Variants in KDM5C observed in about 807,000 individuals in gnomAD.
KDM5C encodes lysine demethylase 5C, also known as lysine-specific demethylase 5C.
A neutral mutation model predicts 110.6 loss-of-function variants in KDM5C; 16 were observed. The ratio of observed to expected loss-of-function variants is 0.14; its 90% CI spans 0.10 to 0.22. The LOEUF (loss-of-function observed/expected upper bound fraction) is 0.22, where lower values mean the gene tolerates loss of function less well. KDM5C is among the 10% of genes least tolerant of loss of function. The pLI is 1.00. For missense variants in KDM5C, 681 were observed against 1,300.9 expected (o/e 0.52, Z 7.33); for synonymous variants, 511 against 520.4 (o/e 0.98, Z 0.24).
chrX:53,224,993 C>T lies in KDM5C; in HGVS notation c.-104G>A. 2.0e-6 allele frequency: 2 copies of T among 1,014,686 alleles called. No individual in the cohort carries two copies. Among genetic ancestry groups the T allele is most frequent in the South Asian group, 4.8e-5 (2 of 41,283 alleles). 83.6% of individuals were successfully genotyped at this position (1,014,686 alleles called of 1,213,427 possible). A position where few individuals can be genotyped will look rare whatever the true frequency, so the allele number is the denominator to read the frequency against. On this transcript the variant is annotated 5_prime_UTR_variant, in exon 1 of 26. Transcript: ENST00000375401. ...CCGAGGCAATGCTCGGAGGCTAGGC[C>T]CTAAGCGGGGCAGCCGCCGCCCGCC...
In KDM5C at chrX:53,197,364, C is replaced by T. The variant is rs782582599; in HGVS notation, c.2623-320G>A. ...CTCTGTTCTCAGGGCACCAAGAGAC[C>T]TCCCTGCCCTAAAAATTGCTATGAT... is the stretch of plus-strand genomic sequence containing the variant. On this transcript the variant is annotated intron_variant, in intron 18 of 25. Coordinates refer to ENST00000375401, the MANE Select transcript of KDM5C (RefSeq NM_004187.5). Among the ~76,000 whole-genome samples, 24 of 111,284 alleles carry T rather than the reference C, an allele frequency of 2.2e-4. No homozygotes were observed. In the South Asian group the frequency reaches 9.2e-3, roughly 43 times the overall value.
chrX:53,180,047 GTAAA>G (rs1556825356), intron 25 of KDM5C, among the ~76,000 whole-genome samples: 1 of 111,901 alleles, frequency 8.9e-6, no homozygotes, highest in Admixed American at 9.5e-5. Flanking sequence ...CCTTCAGTAA[GTAAA>G]TAGATAAAAT....
At chrX:53,181,989 T>A (rs1934072704) in intron 25 of KDM5C, among the ~76,000 whole-genome samples, 1 of 109,764 alleles carries the variant, frequency 9.1e-6, no homozygotes, top group African/African-American at 3.3e-5. Flanking sequence ...AGGGTTTCAC[T>A]GTGTTAGCCA....
intron 2 of KDM5C, 41 bp from the exon 3 acceptor site, chrX:53,218,439 C>T (rs1556853154): frequency 1.7e-6 from 2 of 1,200,561 alleles, no homozygotes; most frequent in African/African-American, 3.5e-5. Context: ...CACCCCCTCC[C>T]ACTGACCACT....
chrX:53,188,058 C>T (rs1556828670), downstream of KDM5C, among the ~76,000 whole-genome samples: 1 of 110,688 alleles, frequency 9.0e-6, no homozygotes, highest in African/African-American at 3.3e-5. Context: ...TAATTTTTTA[C>T]AAAAAAACAA....
chrX:53,201,849 C>T lies in KDM5C; in HGVS notation c.1866+5G>A. 8.3e-7 allele frequency: 1 copy of T among 1,212,023 alleles called. No individual in the cohort carries two copies. The highest frequency in any genetic ancestry group is 1.1e-6 in the Non-Finnish European group (1 of 895,588). ...CCCCACCATCCCACCACATTCTAGACTCACCCAGTCAGCAGTGCAAAAGTT... is the reference window on the plus strand; with the variant it reads ...CCCCACCATCCCACCACATTCTAGATTCACCCAGTCAGCAGTGCAAAAGTT... On this transcript the variant is annotated splice_donor_5th_base_variant and intron_variant, in intron 13 of 25. Coordinates refer to ENST00000375401, the MANE Select transcript of KDM5C (RefSeq NM_004187.5).
At chrX:53,206,756 C>T (rs2073343357) in intron 12 of KDM5C, among the ~76,000 whole-genome samples, 1 of 102,001 alleles carries the variant, frequency 9.8e-6, no homozygotes, top group Non-Finnish European at 2.0e-5. Flanking sequence ...CTCAGCTACT[C>T]GGGAGGCTAA....
chrX:53,218,594 T>C, intron 2 of KDM5C, 196 bp from the exon 3 acceptor site: 1 of 511,192 alleles, frequency 2.0e-6, no homozygotes, highest in Non-Finnish European at 3.4e-6. Flanking sequence ...TTTTGTTTTT[T>C]TGAGACGGTC....
chrX:53,179,994 C>T (rs782142323), intron 25 of KDM5C, among the ~76,000 whole-genome samples: 34 of 111,507 alleles, frequency 3.0e-4, no homozygotes, highest in African/African-American at 4.2e-4. Flanking sequence ...TATTTATAGC[C>T]GATTTATTCA....
chrX:53,203,112 CTTT>C (rs1392651777), intron 12 of KDM5C, among the ~76,000 whole-genome samples: 1 of 111,805 alleles, frequency 8.9e-6, no homozygotes, highest in Non-Finnish European at 1.9e-5. Context: ...GGCAAAAATC[CTTT>C]TTTTAAAAAC....
intron 14 of KDM5C, among the ~76,000 whole-genome samples, chrX:53,199,710 A>G (rs1170444319): frequency 1.8e-5 from 2 of 112,330 alleles, no homozygotes; most frequent in African/African-American, 6.5e-5. Flanking sequence ...TGGTTTCCAA[A>G]CCTAATCCAA....
intron 12 of KDM5C, among the ~76,000 whole-genome samples, chrX:53,206,385 TAG>T (rs1399590065): frequency 4.5e-5 from 5 of 111,468 alleles, no homozygotes; most frequent in Non-Finnish European, 9.4e-5. Context: ...AACTGGATTG[TAG>T]AGATGGTAGC....
chrX:53,215,067 C>T (rs1363537180), intron 7 of KDM5C: 3 of 491,712 alleles, frequency 6.1e-6, no homozygotes, highest in Non-Finnish European at 1.1e-5. Context: ...TTACTAAACC[C>T]GTATTCAGAA....
chrX:53,185,197 A>G (rs1459860629), intron 25 of KDM5C, among the ~76,000 whole-genome samples: 4 of 112,068 alleles, frequency 3.6e-5, no homozygotes, highest in Admixed American at 2.8e-4. Context: ...TGTCCCTTAC[A>G]GTTGGGTATG....
chrX:53,195,550 C>T, intron 20 of KDM5C, 140 bp from the exon 21 acceptor site: 1 of 590,218 alleles, frequency 1.7e-6, no homozygotes, highest in Non-Finnish European at 2.8e-6. Context: ...TAAGGAACAA[C>T]CACTTGGCTC....
rs1556842184 is a variant in KDM5C, at chrX:53,201,925, G to A, written c.1795C>T (p.Arg599Cys). 8.3e-7 allele frequency: 1 copy of A among 1,211,921 alleles called. No individual in the cohort carries two copies. The change falls in exon 13 of 26, where the codon CGT (arginine) becomes TGT (cysteine). Residue 599 changes from arginine (R) to cysteine (C), a missense_variant. Arg to Cys is a radical substitution (Grantham distance 180). Around this residue, in one of 14 missense-constraint regions of KDM5C, gnomAD observed 41 missense variants for 205.9 expected, o/e 0.20. Coordinates refer to ENST00000375401, the MANE Select transcript of KDM5C (RefSeq NM_004187.5). ...TGGTTGAAGCCGCTGTGGTAAGCAC[G>A]GGGGAAGGTGATGACAAACTCTCCT... ...CAGEFVITFP[R>C]AYHSGFNQGY...
intron 25 of KDM5C, among the ~76,000 whole-genome samples, chrX:53,180,137 G>A (rs902746599): frequency 1.8e-5 from 2 of 111,114 alleles, no homozygotes; most frequent in Non-Finnish European, 3.8e-5. Flanking sequence ...AGACATGGAA[G>A]AATCTTAAAT....
downstream of KDM5C, among the ~76,000 whole-genome samples, chrX:53,189,376 G>A (rs1449481455): frequency 8.9e-6 from 1 of 112,409 alleles, no homozygotes; most frequent in Non-Finnish European, 1.9e-5. Context: ...CTTAGGTGAG[G>A]CCTGTTTTCC....
At chrX:53,180,657 G>A (rs1348261345) in intron 25 of KDM5C, among the ~76,000 whole-genome samples, 1 of 107,410 alleles carries the variant, frequency 9.3e-6, no homozygotes, top group Non-Finnish European at 1.9e-5. Flanking sequence ...CTGCCTCCGG[G>A]GTTCAAGCGA....
Sources: gnomAD v4.1 joint callset for allele counts (sites outside exome capture counted in the v4.1 genomes callset) on GRCh38, gnomAD v4.1.1 for gene constraint, gnomAD v4.1.1 regional missense constraint, MANE v1.5 for transcripts, NCBI Gene and HGNC (gene_info 2026-07-23, HGNC 2026-07-21) for gene names.